SH3KBP1: variants seen among roughly 807,000 people sequenced by gnomAD.
SH3KBP1 encodes the protein SH3 domain containing kinase binding protein 1, also known as SH3 domain-containing kinase-binding protein 1.
In SH3KBP1, 8 loss-of-function variants were observed where a neutral mutation model predicts 50.1. The ratio of observed to expected loss-of-function variants is 0.16; its 90% confidence interval spans 0.09 to 0.29. The LOEUF (loss-of-function observed/expected upper bound fraction) is 0.29. SH3KBP1 is among the 10% of genes least tolerant of loss of function. SH3KBP1 has a pLI of 1.00. For synonymous variants in SH3KBP1, 227 were observed against 218.6 expected (o/e 1.04, Z -0.34); for missense variants, 377 against 535.2 (o/e 0.70, Z 2.92).
chrX:19,636,708 C>A (rs1429488312), intron 7 of SH3KBP1, among the ~76,000 whole-genome samples: 1 of 111,030 alleles, frequency 9.0e-6, no homozygotes. Context: ...CAAGCAAAAA[C>A]CCTCTCAGCT....
At chrX:19,619,042 G>A (rs1354307212) in intron 8 of SH3KBP1, among the ~76,000 whole-genome samples, 1 of 109,599 alleles carries the variant, frequency 9.1e-6, no homozygotes, top group African/African-American at 3.3e-5. Flanking sequence ...TTGGGAGGCC[G>A]AGGAGGGCAG....
chrX:19,728,076 GAAAT>G (rs769222080), intron 3 of SH3KBP1, among the ~76,000 whole-genome samples: 1 of 112,181 alleles, frequency 8.9e-6, no homozygotes, highest in East Asian at 2.8e-4. Flanking sequence ...CACACCCACT[GAAAT>G]AAATATGGAG....
chrX:19,833,011 T>C (rs1230164392), intron 2 of SH3KBP1, among the ~76,000 whole-genome samples: 1 of 112,213 alleles, frequency 8.9e-6, no homozygotes, highest in Non-Finnish European at 1.9e-5. Context: ...AATCTGTAGA[T>C]TTGTGGTTTA....
chrX:19,856,591 G>A (rs1235027023), intron 1 of SH3KBP1, among the ~76,000 whole-genome samples: 1 of 111,265 alleles, frequency 9.0e-6, no homozygotes, highest in Non-Finnish European at 1.9e-5. Context: ...CTCACACTCA[G>A]TTAAAGTTTC....
intron 5 of SH3KBP1, among the ~76,000 whole-genome samples, chrX:19,691,410 T>A (rs1263928673): frequency 1.9e-5 from 2 of 102,639 alleles, no homozygotes; most frequent in Non-Finnish European, 3.9e-5. Flanking sequence ...TTTTCAGGTT[T>A]TATATATATA....
intron 16 of SH3KBP1, among the ~76,000 whole-genome samples, chrX:19,540,159 A>G (rs745621105): frequency 9.0e-6 from 1 of 111,209 alleles, no homozygotes; most frequent in Non-Finnish European, 1.9e-5. Flanking sequence ...TGGGTACCTA[A>G]ATGAGTAACC....
chrX:19,878,524 G>A (rs9778697), intron 1 of SH3KBP1, among the ~76,000 whole-genome samples: 17 of 104,540 alleles, frequency 1.6e-4, no homozygotes, highest in Non-Finnish European at 3.1e-4. Context: ...GAGAGAGAGA[G>A]AGAGAGAGAA....
At chrX:19,727,403 G>A (rs2064248459) in intron 3 of SH3KBP1, among the ~76,000 whole-genome samples, 1 of 112,239 alleles carries the variant, frequency 8.9e-6, no homozygotes, top group South Asian at 3.7e-4. Flanking sequence ...CACATAAGTG[G>A]AATCATATAG....
chrX:19,880,286 C>G (rs1158944094), intron 1 of SH3KBP1, among the ~76,000 whole-genome samples: 1 of 112,851 alleles, frequency 8.9e-6, no homozygotes. Flanking sequence ...TGCACACTCA[C>G]TCCTGGTGGT....
chrX:19,774,601 G>A (rs1216282176), intron 2 of SH3KBP1, among the ~76,000 whole-genome samples: 2 of 105,994 alleles, frequency 1.9e-5, no homozygotes, highest in Non-Finnish European at 1.9e-5. Flanking sequence ...AACCCAGGAG[G>A]CGGAGCTTAC....
intron 2 of SH3KBP1, among the ~76,000 whole-genome samples, chrX:19,760,033 T>TC (rs1314030697): frequency 1.5e-5 from 1 of 64,802 alleles, no homozygotes; most frequent in African/African-American, 8.3e-5. Flanking sequence ...CCTCTCTCTC[T>TC]CTCTCTCCCT....
chrX:19,863,844 T>C, intron 1 of SH3KBP1, among the ~76,000 whole-genome samples: 1 of 112,200 alleles, frequency 8.9e-6, no homozygotes, highest in East Asian at 2.8e-4. Flanking sequence ...GACTCAACAG[T>C]AGAATCAATC....
chrX:19,565,195 G>A (rs1171689571), intron 13 of SH3KBP1, among the ~76,000 whole-genome samples: 2 of 107,231 alleles, frequency 1.9e-5, no homozygotes, highest in African/African-American at 6.9e-5. Flanking sequence ...CCAAGTAGCT[G>A]GGATTACAGG....
At chrX:19,602,091 G>A (rs776791024) in intron 9 of SH3KBP1, among the ~76,000 whole-genome samples, 147 of 110,875 alleles carry the variant, frequency 1.3e-3, no homozygotes, top group African/African-American at 4.7e-3. Context: ...CACCCTGAAA[G>A]TGATGCCTTG....
chrX:19,633,003 T>C (rs907344615), intron 7 of SH3KBP1, among the ~76,000 whole-genome samples: 1 of 112,414 alleles, frequency 8.9e-6, no homozygotes, highest in Middle Eastern at 4.6e-3. Context: ...AGGTAACCTC[T>C]TGATGACAAT....
intron 8 of SH3KBP1, among the ~76,000 whole-genome samples, 172 bp from the exon 9 acceptor site, chrX:19,608,217 C>T (rs919430761): frequency 1.8e-5 from 2 of 111,733 alleles, no homozygotes; most frequent in African/African-American, 6.5e-5. Context: ...AAGCTTAAGT[C>T]CGCTTAACAA....
At chrX:19,849,628 G>T (rs2068452266) in intron 1 of SH3KBP1, among the ~76,000 whole-genome samples, 1 of 102,391 alleles carries the variant, frequency 9.8e-6, no homozygotes, top group Non-Finnish European at 2.0e-5. Context: ...AGTGGAAGTT[G>T]CAGCAGTTGC....
chrX:19,752,726 A>G (rs1357782995), intron 2 of SH3KBP1, among the ~76,000 whole-genome samples: 1 of 112,775 alleles, frequency 8.9e-6, no homozygotes, highest in Non-Finnish European at 1.9e-5. Flanking sequence ...TCAATTTAAA[A>G]GAACAGCACA....
intron 2 of SH3KBP1, among the ~76,000 whole-genome samples, chrX:19,793,121 A>AC (rs1233298712): frequency 9.2e-6 from 1 of 108,191 alleles, no homozygotes; most frequent in African/African-American, 3.4e-5. Context: ...ATATAGTGGG[A>AC]CCCCATCTCT....
Sources: gnomAD v4.1 joint callset for allele counts (sites outside exome capture counted in the v4.1 genomes callset) on GRCh38, gnomAD v4.1.1 for gene constraint, MANE v1.5 for transcripts, NCBI Gene and HGNC (gene_info 2026-07-23, HGNC 2026-07-21) for gene names.